Variants in ENOX2 observed in about 807,000 individuals in gnomAD.
ENOX2 encodes APK1 antigen.
Under a neutral mutation model 45.0 loss-of-function variants are expected in ENOX2, and 36 were observed. That is an observed-to-expected ratio of 0.80 (90% CI 0.61 to 1.06). ENOX2 has a LOEUF of 1.06. ENOX2 is among the 50% of genes least tolerant of loss of function. ENOX2 has a pLI of 0.00. For synonymous variants in ENOX2, 174 were observed against 152.3 expected (o/e 1.14, Z -1.05); for missense variants, 423 against 462.5 (o/e 0.91, Z 0.78).
intron 2 of ENOX2, among the ~76,000 whole-genome samples, chrX:130,794,158 CA>C (rs1226768207): frequency 8.9e-6 from 1 of 112,038 alleles, no homozygotes; most frequent in African/African-American, 3.2e-5. Flanking sequence ...ACCTGAGTGA[CA>C]GGAAAAGGGC....
intron 2 of ENOX2, among the ~76,000 whole-genome samples, chrX:130,827,327 CT>C (rs1289320755): frequency 8.9e-6 from 1 of 111,825 alleles, no homozygotes; most frequent in African/African-American, 3.2e-5. Context: ...ATTCTGCCCC[CT>C]CTGACTGGAA....
intron 2 of ENOX2, among the ~76,000 whole-genome samples, chrX:130,798,260 TA>T (rs2077165797): frequency 8.9e-6 from 1 of 112,146 alleles, no homozygotes; most frequent in Non-Finnish European, 1.9e-5. Context: ...CTACAAAAAG[TA>T]AAAAACAAAC....
intron 3 of ENOX2, among the ~76,000 whole-genome samples, chrX:130,768,410 G>A (rs976393778): frequency 3.6e-5 from 4 of 111,936 alleles, no homozygotes; most frequent in Non-Finnish European, 7.5e-5. Context: ...CTGCTATAGT[G>A]TCAGATAAAT....
rs1022892685 is a variant in ENOX2 at position 130,901,696 on chromosome X, T to C, written c.-195A>G. The C allele has an allele frequency of 9.8e-5, 11 of 112,366 alleles. No homozygotes were observed. Among genetic ancestry groups the C allele is most frequent in the African/African-American group, 2.3e-4 (7 of 30,895 alleles). The allele number at this position is 112,366 out of a possible 1,213,427, so 9.3% of individuals were successfully genotyped here. A position where few individuals can be genotyped will look rare whatever the true frequency, so the allele number is the denominator to read the frequency against. On this transcript the variant is annotated 5_prime_UTR_variant, in exon 2 of 15. Transcript: ENST00000394363. ...ACCTGGAACATACCATCACACTTCT[T>C]TGTGTTCTCCAAGAATTGATCTCAA...
intron 3 of ENOX2, among the ~76,000 whole-genome samples, chrX:130,772,458 G>A (rs1416308374): frequency 8.9e-6 from 1 of 111,766 alleles, no homozygotes; most frequent in Non-Finnish European, 1.9e-5. Flanking sequence ...TGTATGAGGT[G>A]ATATGTGAAT....
intron 3 of ENOX2, among the ~76,000 whole-genome samples, chrX:130,707,777 G>A (rs2038077815): frequency 8.9e-6 from 1 of 112,182 alleles, no homozygotes; most frequent in Admixed American, 9.4e-5. Context: ...TTGAAAGCCT[G>A]TTAACCACAG....
intron 3 of ENOX2, among the ~76,000 whole-genome samples, chrX:130,768,643 C>T (rs1285706757): frequency 8.9e-6 from 1 of 111,926 alleles, no homozygotes; most frequent in Non-Finnish European, 1.9e-5. Flanking sequence ...GGAAAACTAA[C>T]CATGAGTGGC....
Position 130,857,133 on chromosome X carries a change from G to A in ENOX2, c.-183+44551C>T, listed in dbSNP as rs562611311. The stretch of plus-strand genomic sequence containing the variant: ...TGGCACATTACTCAAAAATAAAAAT[G>A]AACATACTACTGATAACGCTCAACA... On this transcript the variant is annotated intron_variant, in intron 2 of 14. Transcript: ENST00000394363. Among the ~76,000 whole-genome samples, 4 of 111,956 alleles carry A rather than the reference G, an allele frequency of 3.6e-5. No homozygotes were observed. In the South Asian group the frequency reaches 1.5e-3, roughly 42 times the overall value.
chrX:130,847,280 T>C (rs1456613049), intron 2 of ENOX2, among the ~76,000 whole-genome samples: 4 of 111,152 alleles, frequency 3.6e-5, no homozygotes, highest in Non-Finnish European at 7.6e-5. Context: ...TGAGACTGTC[T>C]GTGGTTGTCT....
chrX:130,768,195 A>C (rs979977825), intron 3 of ENOX2, among the ~76,000 whole-genome samples: 4 of 111,862 alleles, frequency 3.6e-5, no homozygotes, highest in African/African-American at 6.5e-5. Context: ...AAAAGAAGAC[A>C]GGATAGGGAG....
intron 6 of ENOX2, among the ~76,000 whole-genome samples, chrX:130,670,646 A>T (rs770697467): frequency 1.8e-4 from 20 of 110,504 alleles, no homozygotes; most frequent in Admixed American, 1.5e-3. Context: ...GATTTTGGTA[A>T]AACTTAAATG....
chrX:130,671,301 A>G (rs1439396769), intron 6 of ENOX2, among the ~76,000 whole-genome samples: 2 of 112,420 alleles, frequency 1.8e-5, no homozygotes, highest in Non-Finnish European at 3.8e-5. Flanking sequence ...AGAACTGTAC[A>G]TAAGACAATG....
Position 130,623,949 on chromosome X carries a change from C to T in ENOX2, c.*1365G>A, listed in dbSNP as rs902081591. The T allele has an allele frequency of 8.9e-6, 1 of 112,205 alleles. No individual in the cohort carries two copies. The highest frequency in any genetic ancestry group is 3.2e-5 in the African/African-American group (1 of 30,904). 9.2% of individuals were successfully genotyped at this position (112,205 alleles called of 1,213,427 possible). On this transcript the variant is annotated 3_prime_UTR_variant, in exon 15 of 15. Transcript: ENST00000394363. ...TCTTTTAAAAATACAACTTTGAACA[C>T]TACTGGCATCTCATTTACAAAGTAT...
At chrX:130,625,922 TCA>T (rs759800646) in intron 14 of ENOX2, among the ~76,000 whole-genome samples, 68 of 103,828 alleles carry the variant, frequency 6.5e-4, no homozygotes, top group East Asian at 1.8e-3. Context: ...TCTCTCTCTT[TCA>T]CACACACACA....
chrX:130,876,020 A>G (rs1157007398), intron 2 of ENOX2, among the ~76,000 whole-genome samples: 1 of 111,917 alleles, frequency 8.9e-6, no homozygotes, highest in Non-Finnish European at 1.9e-5. Flanking sequence ...AAAATTGTGC[A>G]GCCACTTTGG....
At chrX:130,722,446 T>C (rs984949721) in intron 3 of ENOX2, among the ~76,000 whole-genome samples, 4 of 112,232 alleles carry the variant, frequency 3.6e-5, no homozygotes, top group African/African-American at 1.3e-4. Context: ...GTATTGTATA[T>C]ACACATGGAA....
intron 2 of ENOX2, among the ~76,000 whole-genome samples, chrX:130,859,607 G>A (rs773640704): frequency 1.8e-5 from 2 of 111,906 alleles, no homozygotes; most frequent in Non-Finnish European, 3.8e-5. Flanking sequence ...CAAAGCCATG[G>A]AAGACAAAAG....
intron 10 of ENOX2, among the ~76,000 whole-genome samples, chrX:130,645,000 A>T (rs762291447): frequency 3.0e-4 from 34 of 111,639 alleles, no homozygotes; most frequent in Admixed American, 5.7e-4. Flanking sequence ...AGTGGGGGAT[A>T]CTGTGCTTTT....
At chrX:130,758,858 T>C (rs976576087) in intron 3 of ENOX2, among the ~76,000 whole-genome samples, 1 of 112,075 alleles carries the variant, frequency 8.9e-6, no homozygotes, top group Non-Finnish European at 1.9e-5. Flanking sequence ...CGCCTGCATA[T>C]ACTTTACATG....
Sources: gnomAD v4.1 joint callset for allele counts (sites outside exome capture counted in the v4.1 genomes callset) on GRCh38, gnomAD v4.1.1 for gene constraint, MANE v1.5 for transcripts, NCBI Gene and HGNC (gene_info 2026-07-23, HGNC 2026-07-21) for gene names.